ARHGEF12: variants seen among roughly 807,000 people sequenced by gnomAD.
ARHGEF12 encodes Rho guanine nucleotide exchange factor 12.
Under a neutral mutation model 211.2 loss-of-function variants are expected in ARHGEF12, and 66 were observed. That is an observed-to-expected ratio of 0.31 (90% confidence interval 0.26 to 0.38). The LOEUF is 0.38. Ranked by LOEUF, ARHGEF12 falls within the 10% of genes least tolerant of loss-of-function variation. ARHGEF12 has a pLI of 1.00. For missense variants in ARHGEF12, 1,429 were observed against 1,869.5 expected, an observed-to-expected ratio of 0.76 and a Z score of 4.34; for synonymous variants, 592 against 638.4, an observed-to-expected ratio of 0.93 and a Z score of 1.09.
At chr11:120,455,329 T>G (rs951087766) in intron 22 of ARHGEF12, among the ~76,000 whole-genome samples, 2 of 152,134 alleles carry the variant, frequency 1.3e-5, no homozygotes, top group Non-Finnish European at 2.9e-5. Flanking sequence ...TTTGAAACTG[T>G]AGTGCACCAG....
chr11:120,431,918 T>A lies in ARHGEF12; in HGVS notation c.924+7T>A, dbSNP rs12293270. Reference sequence around the variant, plus strand: ...CAGTAGTGACAATGCAGATGTAAGCTTTCAGTTTTCTAAATCTTTTTTCTT... The same window carrying A: ...CAGTAGTGACAATGCAGATGTAAGCATTCAGTTTTCTAAATCTTTTTTCTT... On this transcript the variant is annotated splice_region_variant and intron_variant, in intron 11 of 40. Coordinates refer to ENST00000397843, the MANE Select transcript of ARHGEF12 (RefSeq NM_015313.3). The A allele has an allele frequency of 3.3e-3, 5,243 of 1,571,996 alleles. 153 individuals are homozygous for A. The African/African-American group carries it at 0.063, about 19-fold the overall frequency.
intron 1 of ARHGEF12, among the ~76,000 whole-genome samples, chr11:120,372,316 C>CT (rs935264295): frequency 1.1e-4 from 16 of 149,200 alleles, no homozygotes; most frequent in East Asian, 3.9e-4. Flanking sequence ...CTCCTCTGAT[C>CT]TTTTTTTTTT....
intron 22 of ARHGEF12, among the ~76,000 whole-genome samples, chr11:120,453,371 G>A (rs1373270): frequency 0.46 from 70,504 of 151,954 alleles, 17,331 homozygotes; most frequent in African/African-American, 0.63. Flanking sequence ...GGAAGGGAAT[G>A]TGTTATCAGG....
At chr11:120,438,605 G>A (rs913986664) in intron 12 of ARHGEF12, 6 of 152,122 alleles carry the variant, frequency 3.9e-5, no homozygotes, top group Admixed American at 1.3e-4. Context: ...TAAAACTTGC[G>A]GATCTGTTTA....
chr11:120,345,678 G>A (rs1318259900), intron 1 of ARHGEF12, among the ~76,000 whole-genome samples: 2 of 146,912 alleles, frequency 1.4e-5, no homozygotes, highest in African/African-American at 5.0e-5. Context: ...ACTCCAGCCT[G>A]GGCACAGAGC....
chr11:120,337,961 G>C, intron 1 of ARHGEF12: 1 of 943,300 alleles, frequency 1.1e-6, no homozygotes, highest in African/African-American at 1.8e-5. Context: ...CGTAAGCATA[G>C]TGTAAGCGCG....
chr11:120,376,906 G>T (rs1442562369), intron 1 of ARHGEF12, among the ~76,000 whole-genome samples: 1 of 152,134 alleles, frequency 6.6e-6, no homozygotes, highest in Non-Finnish European at 1.5e-5. Flanking sequence ...GTCTTTCGGT[G>T]TCTGGCCTAT....
At position 120,441,773 on chromosome 11, in the gene ARHGEF12, G is replaced by A. The variant is rs2135784770; in HGVS notation, c.1159G>A (p.Val387Ile). Residue 387 changes from valine (V) to isoleucine (I), a missense_variant, in exon 14 of 41, where the codon GTT becomes ATT. Val to Ile is a conservative substitution (Grantham distance 29). Around this residue, in one of 7 missense-constraint regions of ARHGEF12, gnomAD observed 11 missense variants for 32.9 expected, o/e 0.33. Transcript: ENST00000397843. ...AAAATCTCGCCCGGCTCATTTGGCT[G>A]TTTTCTTACACCATGTAGTTTCACA... Reference protein sequence around the residue: ...LLKSRPAHLAVFLHHVVSQFD... With the variant: ...LLKSRPAHLAIFLHHVVSQFD... 1 of 1,613,792 alleles carries A rather than the reference G, an allele frequency of 6.2e-7. No individual in the cohort carries two copies. The highest frequency in any genetic ancestry group is 1.7e-4 in the Middle Eastern group (1 of 6,060).
At chr11:120,340,607 TAAAA>T (rs547585881) in intron 1 of ARHGEF12, among the ~76,000 whole-genome samples, 1 of 148,468 alleles carries the variant, frequency 6.7e-6, no homozygotes, top group Non-Finnish European at 1.5e-5. Flanking sequence ...TGGTTTTGAT[TAAAA>T]AAAAAAGAGC....
chr11:120,359,950 G>A (rs1943234709), intron 1 of ARHGEF12, among the ~76,000 whole-genome samples: 1 of 152,228 alleles, frequency 6.6e-6, no homozygotes, highest in Non-Finnish European at 1.5e-5. Flanking sequence ...TTGAATACCT[G>A]TGTGGGGAAC....
intron 14 of ARHGEF12, 110 bp downstream of exon 14, chr11:120,441,927 T>A (rs1945879444): frequency 2.0e-6 from 2 of 1,017,552 alleles, no homozygotes; most frequent in South Asian, 3.0e-5. Flanking sequence ...GTTTTCCGTA[T>A]AAAGACAGAT....
chr11:120,406,401 T>C (rs117598476), intron 2 of ARHGEF12, among the ~76,000 whole-genome samples: 1,673 of 152,262 alleles, frequency 0.011, 21 homozygotes, highest in Non-Finnish European at 0.013. Flanking sequence ...AGAGACTTAA[T>C]TTTGAAGTCT....
At chr11:120,472,337 T>C (rs1394695444) in intron 30 of ARHGEF12, among the ~76,000 whole-genome samples, 1 of 152,156 alleles carries the variant, frequency 6.6e-6, no homozygotes, top group African/African-American at 2.4e-5. Context: ...ATAGAATTTT[T>C]CTCAAAGGCT....
chr11:120,346,830 C>A (rs577321358), intron 1 of ARHGEF12, among the ~76,000 whole-genome samples: 44 of 152,222 alleles, frequency 2.9e-4, no homozygotes, highest in African/African-American at 1.0e-3. Context: ...TTCTTTCCCC[C>A]CTTCTCACTA....
chr11:120,477,418 AG>A (rs1947073025), intron 35 of ARHGEF12, 28 bp from the exon 36 acceptor site: 9 of 1,270,582 alleles, frequency 7.1e-6, no homozygotes, highest in Admixed American at 2.0e-5. Context: ...GGAAGGTAAA[AG>A]TTTTTTTTTT....
At chr11:120,479,935 T>C (rs748104872) in intron 37 of ARHGEF12, 25 bp from the exon 38 acceptor site, 34 of 1,586,750 alleles carry the variant, frequency 2.1e-5, no homozygotes, top group Admixed American at 3.5e-5. Flanking sequence ...ATGTTTTTTT[T>C]CCCCCTCCTT....
At chr11:120,375,971 G>C (rs1943713813) in intron 1 of ARHGEF12, among the ~76,000 whole-genome samples, 2 of 152,082 alleles carry the variant, frequency 1.3e-5, no homozygotes, top group Admixed American at 6.5e-5. Context: ...AGTATGGGTT[G>C]TTGGAAGGAA....
At chr11:120,423,441 G>T (rs77148708) in intron 6 of ARHGEF12, among the ~76,000 whole-genome samples, 1 of 152,070 alleles carries the variant, frequency 6.6e-6, no homozygotes, top group South Asian at 2.1e-4. Context: ...GTGAAGTCGT[G>T]TGTACAGGGA....
In ARHGEF12 at chr11:120,341,325, C is replaced by T. The variant is rs12801782; in HGVS notation, c.32+4050C>T. Among the ~76,000 whole-genome samples the T allele has an allele frequency of 3.8e-4, 19 of 50,312 alleles. No individual in the cohort carries two copies. The South Asian group carries it at 4.9e-3, about 13-fold the overall frequency. 33.0% of individuals were successfully genotyped at this position (50,312 alleles called of 152,430 possible). Reference sequence around the variant, plus strand: ...CACCCGTCTCGGCCTCCCAAAGTGCCGGGATTACAGGCTTGAGCCACCGAG... The same window carrying T: ...CACCCGTCTCGGCCTCCCAAAGTGCTGGGATTACAGGCTTGAGCCACCGAG... On this transcript the variant is annotated intron_variant, in intron 1 of 40. Transcript: ENST00000397843.
Sources: gnomAD v4.1 joint callset for allele counts (sites outside exome capture counted in the v4.1 genomes callset) on GRCh38, gnomAD v4.1.1 for gene constraint, gnomAD v4.1.1 regional missense constraint, MANE v1.5 for transcripts, NCBI Gene and HGNC (gene_info 2026-07-23, HGNC 2026-07-21) for gene names.